The following CHRM3 variants were observed in gnomAD, a reference collection of about 807,000 sequenced individuals.
CHRM3 encodes cholinergic receptor muscarinic 3.
CHRM3 carries 11 observed loss-of-function variants against 41.8 expected under a neutral mutation model. That is an observed-to-expected ratio of 0.26 (90% CI 0.17 to 0.44). CHRM3 has a LOEUF of 0.44. Among genes scored for constraint, CHRM3 ranks in the 20% least tolerant of loss-of-function variants. The pLI is 1.00. For synonymous variants in CHRM3, 297 were observed against 301.4 expected (o/e 0.99, Z 0.15); for missense variants, 571 against 745.4 (o/e 0.77, Z 2.72).
At chr1:239,784,574 A>G (rs1278793430) in intron 5 of CHRM3, among the ~76,000 whole-genome samples, 1 of 152,180 alleles carries the variant, frequency 6.6e-6, no homozygotes, top group Non-Finnish European at 1.5e-5. Context: ...GCTGTCATTT[A>G]TTTGACTTAT....
chr1:239,876,860 G>A (rs1677150383), intron 6 of CHRM3, among the ~76,000 whole-genome samples: 1 of 152,086 alleles, frequency 6.6e-6, no homozygotes. Flanking sequence ...ACTCTTATTT[G>A]CTTAGCTTGG....
rs796740763 is a variant in CHRM3 at position 239,506,109 on chromosome 1, A to T, written c.-422+13302A>T. Reference sequence around the variant, plus strand: ...AGAAACAGAGCATAAAAGTTTGGAAAATCTGCAGCCTGGCAATGAGATAGA... The same window carrying T: ...AGAAACAGAGCATAAAAGTTTGGAATATCTGCAGCCTGGCAATGAGATAGA... On this transcript the variant is annotated intron_variant, in intron 2 of 6. Coordinates refer to ENST00000676153, the MANE Select transcript of CHRM3 (RefSeq NM_001375978.1). Among the ~76,000 whole-genome samples the T allele has an allele frequency of 4.6e-5, 7 of 152,166 alleles. No homozygotes were observed. The South Asian group carries it at 1.4e-3, about 32-fold the overall frequency.
chr1:239,615,063 G>A (rs566956315), intron 3 of CHRM3, among the ~76,000 whole-genome samples: 1 of 152,252 alleles, frequency 6.6e-6, no homozygotes, highest in Admixed American at 6.5e-5. Flanking sequence ...TGCAGGTGGG[G>A]CAGATACCCT....
chr1:239,447,941 C>T (rs919405171), intron 1 of CHRM3, among the ~76,000 whole-genome samples: 8 of 152,140 alleles, frequency 5.3e-5, no homozygotes. Flanking sequence ...AATGTTAGAT[C>T]CATCCCAGCC....
At chr1:239,661,357 G>T (rs920342882) in intron 4 of CHRM3, among the ~76,000 whole-genome samples, 5 of 152,136 alleles carry the variant, frequency 3.3e-5, no homozygotes, top group African/African-American at 1.2e-4. Flanking sequence ...TTCAAATTAT[G>T]GATATGGCTG....
chr1:239,404,401 A>AG (rs1660325912), intron 1 of CHRM3, among the ~76,000 whole-genome samples: 2 of 54,748 alleles, frequency 3.7e-5, no homozygotes, highest in Admixed American at 2.3e-4. Context: ...AGAAAGAAAG[A>AG]AAGAAAGAAA....
At chr1:239,573,490 G>A (rs528714778) in intron 3 of CHRM3, among the ~76,000 whole-genome samples, 10 of 152,134 alleles carry the variant, frequency 6.6e-5, no homozygotes, top group African/African-American at 2.4e-4. Flanking sequence ...AGTTACTAAA[G>A]TCTTTTAATT....
At chr1:239,691,231 T>G (rs1027813284) in intron 5 of CHRM3, among the ~76,000 whole-genome samples, 4 of 152,006 alleles carry the variant, frequency 2.6e-5, no homozygotes, top group African/African-American at 4.8e-5. Context: ...GCAGCTGGCT[T>G]TTATTTGAAA....
intron 5 of CHRM3, among the ~76,000 whole-genome samples, chr1:239,681,945 A>T (rs1048046842): frequency 3.9e-5 from 6 of 152,192 alleles, no homozygotes; most frequent in Admixed American, 3.9e-4. Flanking sequence ...AGGCATGGTT[A>T]CCTTCTTTAT....
At chr1:239,617,545 T>C (rs1387442138) in intron 3 of CHRM3, among the ~76,000 whole-genome samples, 1 of 152,006 alleles carries the variant, frequency 6.6e-6, no homozygotes, top group Non-Finnish European at 1.5e-5. Flanking sequence ...GGCAAGATGG[T>C]GAGACCTCGT....
At chr1:239,700,400 C>T (rs1660574487) in intron 5 of CHRM3, among the ~76,000 whole-genome samples, 1 of 152,132 alleles carries the variant, frequency 6.6e-6, no homozygotes, top group South Asian at 2.1e-4. Context: ...TACAGATATT[C>T]ATCTTTGACC....
chr1:239,850,941 A>G lies in CHRM3; in HGVS notation c.-20+23563A>G, dbSNP rs1254813154. ...TATTCACAGCATGAGGAAAACTAAT[A>G]CAAGTAGGTTTCCAATTATGGGATA... On this transcript the variant is annotated intron_variant, in intron 6 of 6. Transcript: ENST00000676153. Among the ~76,000 whole-genome samples, 5 of 152,150 alleles carry G rather than the reference A, an allele frequency of 3.3e-5. No homozygotes were observed. In the East Asian group the frequency reaches 9.6e-4, roughly 29 times the overall value.
chr1:239,833,889 C>T (rs1673085456), intron 6 of CHRM3, among the ~76,000 whole-genome samples: 1 of 152,132 alleles, frequency 6.6e-6, no homozygotes, highest in South Asian at 2.1e-4. Flanking sequence ...CGGGTACACC[C>T]ACCTGTTCCT....
intron 3 of CHRM3, among the ~76,000 whole-genome samples, chr1:239,569,164 C>G (rs892820567): frequency 6.6e-6 from 1 of 152,060 alleles, no homozygotes; most frequent in Non-Finnish European, 1.5e-5. Context: ...TATTCCTTCC[C>G]CATGTTAGCT....
intron 1 of CHRM3, among the ~76,000 whole-genome samples, chr1:239,425,330 G>A (rs977557581): frequency 2.6e-5 from 4 of 151,724 alleles, no homozygotes; most frequent in African/African-American, 9.7e-5. Flanking sequence ...TCATTCACTC[G>A]GTATTTACTG....
intron 6 of CHRM3, among the ~76,000 whole-genome samples, chr1:239,847,873 C>A (rs1376330289): frequency 1.3e-5 from 2 of 151,514 alleles, no homozygotes; most frequent in African/African-American, 2.4e-5. Context: ...TGTGATCTCA[C>A]CACTGCACTC....
intron 5 of CHRM3, among the ~76,000 whole-genome samples, chr1:239,721,807 T>A (rs1662999401): frequency 6.6e-6 from 1 of 151,792 alleles, no homozygotes; most frequent in Non-Finnish European, 1.5e-5. Context: ...TAGGCACTCA[T>A]GAAACAATTG....
chr1:239,627,013 T>G (rs1669035838), intron 3 of CHRM3, among the ~76,000 whole-genome samples: 1 of 131,676 alleles, frequency 7.6e-6, no homozygotes, highest in Non-Finnish European at 1.6e-5. Flanking sequence ...AGATGTCTAT[T>G]AGGTCTGCTT....
chr1:239,582,309 A>G (rs1322448550), intron 3 of CHRM3, among the ~76,000 whole-genome samples: 1 of 152,186 alleles, frequency 6.6e-6, no homozygotes, highest in Non-Finnish European at 1.5e-5. Flanking sequence ...TTTTTGACCT[A>G]TATTATCATC....
Sources: gnomAD v4.1 joint callset for allele counts (sites outside exome capture counted in the v4.1 genomes callset) on GRCh38, gnomAD v4.1.1 for gene constraint, MANE v1.5 for transcripts, NCBI Gene and HGNC (gene_info 2026-07-23, HGNC 2026-07-21) for gene names.